ZC3H12B: variants seen among roughly 807,000 people sequenced by gnomAD.
The protein encoded by ZC3H12B is probable ribonuclease ZC3H12B.
ZC3H12B carries 7 observed loss-of-function variants against 43.9 expected under a neutral mutation model. That is an observed-to-expected ratio of 0.16 (90% CI 0.09 to 0.30). ZC3H12B has a LOEUF of 0.30. ZC3H12B is among the 10% of genes least tolerant of loss of function. The pLI is 1.00. For missense variants in ZC3H12B, 475 were observed against 670.2 expected (o/e 0.71, Z 3.22); for synonymous variants, 222 against 241.7 (o/e 0.92, Z 0.76).
chrX:65,094,913 T>G, the ZC3H12B span, among the ~76,000 whole-genome samples: 1 of 112,021 alleles, frequency 8.9e-6, no homozygotes, highest in African/African-American at 3.2e-5. Context: ...ACTTATGGAA[T>G]TGAACCTAAA....
the ZC3H12B span, among the ~76,000 whole-genome samples, chrX:65,358,261 T>A: frequency 9.0e-6 from 1 of 111,189 alleles, no homozygotes; most frequent in Admixed American, 9.6e-5. Context: ...ACTTTAACAC[T>A]GCACTGTCAA....
At chrX:65,425,224 G>A (rs1387627526) in intron 3 of ZC3H12B, among the ~76,000 whole-genome samples, 1 of 110,697 alleles carries the variant, frequency 9.0e-6, no homozygotes, top group Non-Finnish European at 1.9e-5. Flanking sequence ...TTCATTTTGT[G>A]GCATTTGTGA....
chrX:65,168,153 T>C, the ZC3H12B span, among the ~76,000 whole-genome samples: 10 of 111,923 alleles, frequency 8.9e-5, no homozygotes, highest in Non-Finnish European at 1.5e-4. Flanking sequence ...GCCCATTTAG[T>C]ATGATATTGG....
chrX:65,073,927 G>A, the ZC3H12B span, among the ~76,000 whole-genome samples: 2 of 111,684 alleles, frequency 1.8e-5, no homozygotes, highest in Non-Finnish European at 3.8e-5. Flanking sequence ...TCTTAGTGCC[G>A]TACCTCTGAA....
At chrX:65,279,135 C>T in the ZC3H12B span, among the ~76,000 whole-genome samples, 2 of 110,351 alleles carry the variant, frequency 1.8e-5, no homozygotes, top group Non-Finnish European at 3.8e-5. Flanking sequence ...GTTTTCTATT[C>T]ATCTGCATAT....
the ZC3H12B span, among the ~76,000 whole-genome samples, chrX:65,339,229 G>A: frequency 1.4e-4 from 15 of 111,111 alleles, no homozygotes; most frequent in Admixed American, 9.5e-5. Flanking sequence ...CAGAGGGAAG[G>A]CATAGAGAAT....
At chrX:65,153,883 T>C in the ZC3H12B span, among the ~76,000 whole-genome samples, 1 of 110,872 alleles carries the variant, frequency 9.0e-6, no homozygotes, top group African/African-American at 3.3e-5. Context: ...ATATACACCA[T>C]GGAATACTAT....
At chrX:65,294,052 A>C in the ZC3H12B span, among the ~76,000 whole-genome samples, 4 of 111,627 alleles carry the variant, frequency 3.6e-5, no homozygotes, top group Non-Finnish European at 5.7e-5. Context: ...CCACATAATC[A>C]TGAGATTCTC....
At chrX:65,151,390 C>G in the ZC3H12B span, among the ~76,000 whole-genome samples, 1 of 111,921 alleles carries the variant, frequency 8.9e-6, no homozygotes, top group African/African-American at 3.2e-5. Context: ...AAACCAAGTT[C>G]AGAGAAAAAA....
the ZC3H12B span, among the ~76,000 whole-genome samples, chrX:65,157,623 A>T: frequency 9.0e-6 from 1 of 111,490 alleles, no homozygotes; most frequent in Non-Finnish European, 1.9e-5. Context: ...GTAACAGAAT[A>T]TAGATAGATT....
the ZC3H12B span, among the ~76,000 whole-genome samples, chrX:65,132,328 G>A: frequency 6.3e-5 from 7 of 111,333 alleles, no homozygotes; most frequent in Non-Finnish European, 1.3e-4. Flanking sequence ...GGTTTTAGAA[G>A]CCCATGCTGT....
At chrX:65,235,438 A>G in the ZC3H12B span, among the ~76,000 whole-genome samples, 15 of 111,650 alleles carry the variant, frequency 1.3e-4, no homozygotes, top group Non-Finnish European at 2.6e-4. Context: ...CACTTCTCTA[A>G]TGATCATGTT....
the ZC3H12B span, among the ~76,000 whole-genome samples, chrX:65,274,877 CG>C: frequency 8.9e-6 from 1 of 112,000 alleles, no homozygotes; most frequent in Non-Finnish European, 1.9e-5. Context: ...GAAACAGCCC[CG>C]AGGGACTGTT....
chrX:65,072,922 G>A, the ZC3H12B span, among the ~76,000 whole-genome samples: 2 of 112,743 alleles, frequency 1.8e-5, no homozygotes, highest in South Asian at 7.3e-4. Flanking sequence ...TCAGCACACA[G>A]GTGGGGTGTT....
chrX:65,479,918 A>C (rs1050742874), intron 3 of ZC3H12B, among the ~76,000 whole-genome samples: 2 of 112,643 alleles, frequency 1.8e-5, no homozygotes, highest in African/African-American at 6.4e-5. Context: ...GATTCCATTG[A>C]TTACTTGGGG....
At chrX:65,393,294 A>T (rs2066652339) in intron 2 of ZC3H12B, among the ~76,000 whole-genome samples, 1 of 112,245 alleles carries the variant, frequency 8.9e-6, no homozygotes, top group African/African-American at 3.2e-5. Context: ...TTTTTAATTT[A>T]ATTTTATTTT....
intron 3 of ZC3H12B, among the ~76,000 whole-genome samples, chrX:65,406,256 A>G (rs113370827): frequency 3.7e-5 from 4 of 109,133 alleles, no homozygotes; most frequent in African/African-American, 1.3e-4. Flanking sequence ...AAATACTAGC[A>G]AAACCGAATT....
At chrX:65,088,980 A>C in the ZC3H12B span, among the ~76,000 whole-genome samples, 1 of 111,978 alleles carries the variant, frequency 8.9e-6, no homozygotes, top group African/African-American at 3.2e-5. Context: ...TAAATTAGCT[A>C]ATATAACTAA....
the ZC3H12B span, among the ~76,000 whole-genome samples, chrX:65,318,883 C>T: frequency 9.0e-5 from 10 of 111,014 alleles, no homozygotes; most frequent in South Asian, 1.5e-3. Flanking sequence ...CTAATTAGAA[C>T]AAAAATACAA....
Sources: gnomAD v4.1 joint callset for allele counts (sites outside exome capture counted in the v4.1 genomes callset) on GRCh38, gnomAD v4.1.1 for gene constraint, MANE v1.5 for transcripts, NCBI Gene and HGNC (gene_info 2026-07-23, HGNC 2026-07-21) for gene names.